Variants in MSN observed in about 807,000 individuals in gnomAD.
MSN encodes epididymis luminal protein 70.
A neutral mutation model predicts 48.0 loss-of-function variants in MSN; 2 were observed. That is an observed-to-expected ratio of 0.04 (90% CI 0.02 to 0.13). The LOEUF (loss-of-function observed/expected upper bound fraction) is 0.13, where lower values mean the gene tolerates loss of function less well. Among genes scored for constraint, MSN ranks in the 10% least tolerant of loss-of-function variants. The probability of loss-of-function intolerance (pLI) is 1.00; values close to 1 mark genes in which losing one functional copy is unlikely to be tolerated. For synonymous variants in MSN, 146 were observed against 166.9 expected, an observed-to-expected ratio of 0.87 and a Z score of 0.97; for missense variants, 267 against 470.1, an observed-to-expected ratio of 0.57 and a Z score of 3.99.
chrX:65,592,430 G>A (rs573441806), intron 1 of MSN, among the ~76,000 whole-genome samples: 3 of 108,435 alleles, frequency 2.8e-5, no homozygotes, highest in East Asian at 5.9e-4. Flanking sequence ...TCCTGACCTC[G>A]TGATCTGCCC....
At chrX:65,638,185 T>C (rs1016209624) in intron 1 of MSN, among the ~76,000 whole-genome samples, 1 of 112,634 alleles carries the variant, frequency 8.9e-6, no homozygotes, top group Non-Finnish European at 1.9e-5. Flanking sequence ...TGCCCTTTCT[T>C]TGGTAGAACA....
intron 1 of MSN, among the ~76,000 whole-genome samples, chrX:65,688,450 T>G (rs2071139190): frequency 9.0e-6 from 1 of 111,334 alleles, no homozygotes; most frequent in Admixed American, 9.6e-5. Context: ...CAAAAATTAC[T>G]CAGCTAATGA....
chrX:65,607,297 G>T (rs750926006), intron 1 of MSN, among the ~76,000 whole-genome samples: 5 of 111,570 alleles, frequency 4.5e-5, no homozygotes, highest in African/African-American at 1.6e-4. Flanking sequence ...GTCAGTTCTG[G>T]CTCTAAAATG....
intron 1 of MSN, among the ~76,000 whole-genome samples, chrX:65,631,180 C>T (rs1215527141): frequency 9.1e-6 from 1 of 109,459 alleles, no homozygotes; most frequent in Non-Finnish European, 1.9e-5. Context: ...ACTGCAACCT[C>T]CACCTCCCGG....
intron 1 of MSN, among the ~76,000 whole-genome samples, chrX:65,681,938 A>G (rs1000894905): frequency 9.0e-6 from 1 of 110,832 alleles, no homozygotes; most frequent in Non-Finnish European, 1.9e-5. Flanking sequence ...TTTAAGTAGG[A>G]AGTATGCAGG....
At chrX:65,695,334 C>G (rs1162306157) in intron 1 of MSN, among the ~76,000 whole-genome samples, 4 of 109,233 alleles carry the variant, frequency 3.7e-5, no homozygotes, top group African/African-American at 6.7e-5. Context: ...AACCCCGTCT[C>G]TACTAAAAAT....
chrX:65,609,503 G>A (rs1301515095), intron 1 of MSN, among the ~76,000 whole-genome samples: 2 of 111,319 alleles, frequency 1.8e-5, no homozygotes, highest in African/African-American at 3.3e-5. Context: ...CTAGTCTCTA[G>A]GGCTTGACCC....
intron 1 of MSN, among the ~76,000 whole-genome samples, chrX:65,697,428 A>AG (rs2071256001): frequency 9.0e-6 from 1 of 111,530 alleles, no homozygotes; most frequent in African/African-American, 3.3e-5. Flanking sequence ...AGGGAAGACA[A>AG]GGGGGAGCCA....
chrX:65,662,827 A>G (rs1039341316), upstream of MSN, among the ~76,000 whole-genome samples: 1 of 112,671 alleles, frequency 8.9e-6, no homozygotes, highest in Non-Finnish European at 1.9e-5. Context: ...AGCAAAAGAA[A>G]CTATCAACAG....
At chrX:65,701,715 G>A (rs1174808655) in intron 1 of MSN, among the ~76,000 whole-genome samples, 2 of 111,962 alleles carry the variant, frequency 1.8e-5, no homozygotes, top group East Asian at 2.8e-4. Context: ...TTATGCCCAC[G>A]TTACAAGTTG....
chrX:65,669,862 A>G lies in MSN; in HGVS notation c.12+2009A>G, dbSNP rs573202730. ...CTAAAACTAAAACAAAAATCTAATG[A>G]GGCTATTGAGACCTACAGGGAAAGA... On this transcript the variant is annotated intron_variant, in intron 1 of 12. Transcript: ENST00000360270. Among the ~76,000 whole-genome samples the G allele has an allele frequency of 9.8e-4, 109 of 110,901 alleles. 1 individual carries two copies. The highest frequency in any genetic ancestry group is 7.3e-3 in the South Asian group (19 of 2,587).
chrX:65,612,116 A>G (rs184893373), intron 1 of MSN, among the ~76,000 whole-genome samples: 6 of 111,957 alleles, frequency 5.4e-5, no homozygotes, highest in East Asian at 2.8e-4. Flanking sequence ...CAATGCAACA[A>G]TTGGGAGGTG....
intron 1 of MSN, among the ~76,000 whole-genome samples, chrX:65,653,957 G>A (rs1602754102): frequency 9.2e-6 from 1 of 108,520 alleles, no homozygotes; most frequent in East Asian, 2.9e-4. Context: ...GTATTTTTTG[G>A]TAGAAACGGG....
At chrX:65,687,170 C>T (rs971193090) in intron 1 of MSN, among the ~76,000 whole-genome samples, 1 of 111,393 alleles carries the variant, frequency 9.0e-6, no homozygotes, top group Non-Finnish European at 1.9e-5. Flanking sequence ...CATGGTGAAA[C>T]CCCGTCTCTA....
At chrX:65,739,698 T>C (rs756395712) in intron 12 of MSN, 31 bp from the exon 13 acceptor site, 1 of 1,183,184 alleles carries the variant, frequency 8.5e-7, no homozygotes, top group Non-Finnish European at 1.1e-6. Context: ...GAGAAAGCCA[T>C]TGACCTCTGT....
chrX:65,631,727 T>G (rs1020628623), intron 1 of MSN, among the ~76,000 whole-genome samples: 12 of 111,782 alleles, frequency 1.1e-4, no homozygotes, highest in Non-Finnish European at 2.3e-4. Flanking sequence ...CATGCTGGAG[T>G]GCAGTCGCAT....
chrX:65,676,589 T>C (rs1248973435), intron 1 of MSN, among the ~76,000 whole-genome samples: 1 of 111,310 alleles, frequency 9.0e-6, no homozygotes, highest in Non-Finnish European at 1.9e-5. Context: ...CCTGAAAATT[T>C]TTTTCCTGGG....
chrX:65,620,086 C>T (rs773293343), intron 1 of MSN, among the ~76,000 whole-genome samples: 187 of 112,256 alleles, frequency 1.7e-3, no homozygotes, highest in African/African-American at 5.7e-3. Flanking sequence ...CAGCTGCGTG[C>T]TGGGAGAACC....
intron 1 of MSN, among the ~76,000 whole-genome samples, chrX:65,673,162 A>G (rs1301659340): frequency 8.9e-6 from 1 of 111,795 alleles, no homozygotes; most frequent in African/African-American, 3.3e-5. Flanking sequence ...AGAGTATATT[A>G]TGAAGACTGT....
Sources: allele counts gnomAD v4.1 joint callset (sites outside exome capture counted in the v4.1 genomes callset), GRCh38; gene constraint gnomAD v4.1.1; transcripts MANE v1.5; gene names NCBI Gene and HGNC (gene_info 2026-07-23, HGNC 2026-07-21).